KCNJ1: variants seen among roughly 807,000 people sequenced by gnomAD.
The protein encoded by KCNJ1 is potassium inwardly rectifying channel subfamily J member 1.
A neutral mutation model predicts 21.9 loss-of-function variants in KCNJ1; 24 were observed. The observed-to-expected ratio is 1.10, with a 90% CI of 0.79 to 1.54. KCNJ1 has a LOEUF of 1.54. KCNJ1 is among the 40% of genes most tolerant of loss of function. The pLI, the probability that KCNJ1 is intolerant of heterozygous loss-of-function variation, is 0.00. For synonymous variants in KCNJ1, 152 were observed against 160.9 expected, an observed-to-expected ratio of 0.94 and a Z score of 0.42; for missense variants, 457 against 455.4, an observed-to-expected ratio of 1.00 and a Z score of -0.03.
At chr11:128,860,233 C>T (rs186775389) in intron 1 of KCNJ1, among the ~76,000 whole-genome samples, 40 of 152,296 alleles carry the variant, frequency 2.6e-4, no homozygotes, top group Non-Finnish European at 4.4e-4. Flanking sequence ...GATGGATGAG[C>T]GACACTATAG....
In KCNJ1 at chr11:128,840,345, C is replaced by T. The variant is rs116914704; in HGVS notation, c.-21-81G>A. The T allele has an allele frequency of 7.9e-4, 1,044 of 1,328,954 alleles. 14 individuals are homozygous for T. In the East Asian group the frequency reaches 0.025, roughly 31 times the overall value. 82.3% of individuals were successfully genotyped at this position (1,328,954 alleles called of 1,614,324 possible). A position where few individuals can be genotyped will look rare whatever the true frequency, so the allele number is the denominator to read the frequency against. On this transcript the variant is annotated intron_variant, in intron 2 of 2. Coordinates refer to ENST00000392666, the MANE Select transcript of KCNJ1 (RefSeq NM_153766.3). ...TAGGTGACCCACATGAAAGACCTAA[C>T]TACGAAAAGATCATTCAAAATTATC... is the stretch of plus-strand genomic sequence containing the variant.
intron 2 of KCNJ1, among the ~76,000 whole-genome samples, chr11:128,843,554 G>T (rs1943325675): frequency 6.6e-6 from 1 of 152,112 alleles, no homozygotes; most frequent in Non-Finnish European, 1.5e-5. Flanking sequence ...TTGTTCTGTA[G>T]GATTTCAAAG....
chr11:128,841,660 CAACT>C (rs1326589931), intron 2 of KCNJ1, among the ~76,000 whole-genome samples: 9 of 152,144 alleles, frequency 5.9e-5, no homozygotes, highest in African/African-American at 1.9e-4. Flanking sequence ...GAAGCGAAAC[CAACT>C]GAGTGATACA....
At position 128,842,412 on chromosome 11, in the gene KCNJ1, A is replaced by G. The variant is rs368608681; in HGVS notation, c.-21-2148T>C. On this transcript the variant is annotated intron_variant, in intron 2 of 2. Transcript: ENST00000392666. ...TGTCAAACACATTCCGACTGGAAGCATTCATGGCTGGAAAAAGCAAGGAAG... is the reference window on the plus strand; with the variant it reads ...TGTCAAACACATTCCGACTGGAAGCGTTCATGGCTGGAAAAAGCAAGGAAG... 9 of 1,613,752 alleles carry G rather than the reference A, an allele frequency of 5.6e-6. No homozygotes were observed. The highest frequency in any genetic ancestry group is 2.2e-5 in the South Asian group (2 of 91,072).
chr11:128,845,369 G>A (rs1284747727), intron 2 of KCNJ1, among the ~76,000 whole-genome samples: 44 of 152,226 alleles, frequency 2.9e-4, no homozygotes, highest in Admixed American at 2.9e-3. Flanking sequence ...GGTTGGGTGG[G>A]TGTTGGGCTT....
intron 2 of KCNJ1, among the ~76,000 whole-genome samples, chr11:128,850,004 G>A (rs909094074): frequency 2.0e-5 from 3 of 152,284 alleles, no homozygotes; most frequent in East Asian, 3.9e-4. Context: ...TGACCTTGGA[G>A]TCAGTACTGA....
intron 1 of KCNJ1, among the ~76,000 whole-genome samples, chr11:128,853,467 A>C (rs751890268): frequency 6.6e-6 from 1 of 152,232 alleles, no homozygotes; most frequent in Non-Finnish European, 1.5e-5. Flanking sequence ...CTACAGAGAA[A>C]GAGAGTTAGA....
At chr11:128,848,198 G>T (rs1943416617) in intron 2 of KCNJ1, among the ~76,000 whole-genome samples, 1 of 147,812 alleles carries the variant, frequency 6.8e-6, no homozygotes, top group Non-Finnish European at 1.5e-5. Flanking sequence ...TGAGGCAGGA[G>T]AATGGTGTGA....
Position 128,850,766 on chromosome 11 carries a change from T to C in KCNJ1, c.-67A>G, listed in dbSNP as rs987216134. 1 of 985,326 alleles carries C rather than the reference T, an allele frequency of 1.0e-6. No homozygotes were observed. Among genetic ancestry groups the C allele is most frequent in the Non-Finnish European group, 1.2e-6 (1 of 829,918 alleles). The allele number at this position is 985,326 out of a possible 1,614,324, so 61.0% of individuals were successfully genotyped here. ...GAGATGATTTTCAAAACTTCATGTA[T>C]AAGTAGATCTTGGGGTGACCAGCAA... is the stretch of plus-strand genomic sequence containing the variant. On this transcript the variant is annotated 5_prime_UTR_variant, in exon 2 of 3. Coordinates refer to ENST00000392666, the MANE Select transcript of KCNJ1 (RefSeq NM_153766.3).
chr11:128,842,118 A>G (rs1943292703), intron 2 of KCNJ1, among the ~76,000 whole-genome samples: 1 of 152,248 alleles, frequency 6.6e-6, no homozygotes, highest in African/African-American at 2.4e-5. Context: ...ACATTTATCA[A>G]TTGAATCCAC....
chr11:128,864,201 C>T (rs965907224), intron 1 of KCNJ1, among the ~76,000 whole-genome samples: 1 of 150,592 alleles, frequency 6.6e-6, no homozygotes, highest in Non-Finnish European at 1.5e-5. Context: ...ATTCTCATGC[C>T]TCAGCCCCCT....
chr11:128,855,607 C>T (rs1188609353), intron 1 of KCNJ1, among the ~76,000 whole-genome samples: 1 of 152,130 alleles, frequency 6.6e-6, no homozygotes, highest in African/African-American at 2.4e-5. Flanking sequence ...TGGGCTTAAA[C>T]GTCACCTCTT....
Position 128,839,247 on chromosome 11 carries a change from T to A in KCNJ1, c.997A>T (p.Thr333Ser), listed in dbSNP as rs1453084130. The A allele has an allele frequency of 6.2e-7, 1 of 1,613,918 alleles. No individual in the cohort carries two copies. The highest frequency in any genetic ancestry group is 8.5e-7 in the Non-Finnish European group (1 of 1,179,984). Residue 333 changes from threonine to serine, a missense_variant, in exon 3 of 3, where the codon ACC becomes TCC. Transcript: ENST00000392666. The stretch of plus-strand genomic sequence containing the variant: ...TAAAGGCACATGGCACAGTGAGGGG[T>A]CTCCACTTCCACTGTCTTGCTAAAG... Reference protein sequence around the residue: ...HNFSKTVEVETPHCAMCLYNE... With the variant: ...HNFSKTVEVESPHCAMCLYNE...
At chr11:128,861,510 C>T (rs1454500329) in intron 1 of KCNJ1, among the ~76,000 whole-genome samples, 4 of 152,172 alleles carry the variant, frequency 2.6e-5, no homozygotes, top group Non-Finnish European at 5.9e-5. Context: ...ATCACAGGCT[C>T]ATTTATGGGA....
intron 1 of KCNJ1, among the ~76,000 whole-genome samples, chr11:128,853,086 C>T (rs188575575): frequency 8.9e-4 from 136 of 152,356 alleles, no homozygotes; most frequent in African/African-American, 3.0e-3. Flanking sequence ...TCAAAAGAAG[C>T]GTTTCAGTCT....
intron 1 of KCNJ1, among the ~76,000 whole-genome samples, chr11:128,863,817 GTTTC>G (rs1188487192): frequency 6.6e-6 from 1 of 152,024 alleles, no homozygotes; most frequent in Non-Finnish European, 1.5e-5. Flanking sequence ...ACTATTTTTG[GTTTC>G]TTTCTGCTAT....
rs747718912 is a variant in KCNJ1, at chr11:128,839,384, G to A, written c.860C>T (p.Ala287Val). ...FLDGTVESTS[A>V]TCQVRTSYVP... ...ATAGGATGTCCGGACTTGGCAGGTA[G>A]CACTGGTGGACTCCACTGTGCCATC... Residue 287 changes from alanine to valine, a missense_variant, in exon 3 of 3, where the codon GCT becomes GTT. Transcript: ENST00000392666. 1 of 1,614,188 alleles carries A rather than the reference G, an allele frequency of 6.2e-7. No individual in the cohort carries two copies. The highest frequency in any genetic ancestry group is 2.2e-5 in the East Asian group (1 of 44,890).
intron 1 of KCNJ1, among the ~76,000 whole-genome samples, chr11:128,857,352 C>T (rs548358551): frequency 6.6e-6 from 1 of 152,298 alleles, no homozygotes; most frequent in Non-Finnish European, 1.5e-5. Flanking sequence ...TGTTTATTTC[C>T]CTGCTGGTGA....
chr11:128,863,680 A>G (rs1455166511), intron 1 of KCNJ1, among the ~76,000 whole-genome samples: 1 of 152,202 alleles, frequency 6.6e-6, no homozygotes, highest in Non-Finnish European at 1.5e-5. Flanking sequence ...CTGGTTTTAA[A>G]TGGAATGCTT....
Sources: allele counts gnomAD v4.1 joint callset (sites outside exome capture counted in the v4.1 genomes callset), GRCh38; gene constraint gnomAD v4.1.1; transcripts MANE v1.5; gene names NCBI Gene and HGNC (gene_info 2026-07-23, HGNC 2026-07-21).